The following CELF2 variants were observed in gnomAD, a reference collection of about 807,000 sequenced individuals.
CELF2 encodes the protein CUG triplet repeat RNA-binding protein 2.
A neutral mutation model predicts 62.6 loss-of-function variants in CELF2; 8 were observed. That is an observed-to-expected ratio of 0.13 (90% CI 0.07 to 0.23). CELF2 has a LOEUF of 0.23. Among genes scored for constraint, CELF2 ranks in the 10% least tolerant of loss-of-function variants. The pLI is 1.00. For synonymous variants in CELF2, 258 were observed against 250.0 expected (o/e 1.03, Z -0.30); for missense variants, 333 against 671.0 (o/e 0.50, Z 5.56).
chr10:11,145,605 C>T lies in CELF2; in HGVS notation c.75-19881C>T, dbSNP rs1432438900. On this transcript the variant is annotated intron_variant, in intron 1 of 12. Transcript: ENST00000633077. The surrounding 1 kb of genome is among the most constrained non-coding windows in gnomAD (Gnocchi z 4.3). ...GACGCTGAAGGCAGGAAGTGGAGAG[C>T]GGAAGTGAGCTGTGGGTGACTGCAG... 6.6e-6 allele frequency among the ~76,000 whole-genome samples: 1 copy of T among 152,134 alleles called. No individual in the cohort carries two copies. Among genetic ancestry groups the T allele is most frequent in the Non-Finnish European group, 1.5e-5 (1 of 68,028 alleles).
intron 1 of CELF2, among the ~76,000 whole-genome samples, chr10:11,101,225 C>A (rs1595272342): frequency 6.6e-6 from 1 of 152,130 alleles, no homozygotes; most frequent in South Asian, 2.1e-4. Flanking sequence ...AGGGAATGAT[C>A]AGCAACTTGA....
chr10:11,285,860 TGTGTGTG>T lies in CELF2; in HGVS notation c.842-2557_842-2551del, dbSNP rs2091107608. ...GTGTGTGTGTGTGTGTGTGTGTGTG[TGTGTGTG>T]TGTGTGTGTGTTTTTACATGGACTT... is the stretch of plus-strand genomic sequence containing the variant. On this transcript the variant is annotated intron_variant, in intron 8 of 12. Coordinates refer to ENST00000633077, the MANE Select transcript of CELF2 (RefSeq NM_001326342.2). The surrounding 1 kb of genome is among the most constrained non-coding windows in gnomAD (Gnocchi z 4.3). Among the ~76,000 whole-genome samples the T allele has an allele frequency of 7.0e-6, 1 of 143,426 alleles. No homozygotes were observed. Among genetic ancestry groups the T allele is most frequent in the Non-Finnish European group, 1.5e-5 (1 of 67,522 alleles). 94.1% of individuals were successfully genotyped at this position (143,426 alleles called of 152,430 possible). A position where few individuals can be genotyped will look rare whatever the true frequency, so the allele number is the denominator to read the frequency against.
chr10:10,562,688 A>T, the CELF2 span, among the ~76,000 whole-genome samples: 2 of 146,444 alleles, frequency 1.4e-5, no homozygotes, highest in Non-Finnish European at 2.9e-5. Context: ...GACCCCTCAC[A>T]GTTTCTACTG....
At chr10:11,005,029 T>C, upstream of CELF2, 1 of 985,222 alleles carries the variant, frequency 1.0e-6, no homozygotes. This position sits in a 1 kb window ranked among gnomAD's most constrained non-coding sequence, Gnocchi z 4.3. Flanking sequence ...TTGTTTTTTT[T>C]GTTCCCCCAA....
chr10:10,800,053 A>G (rs1157313948), intron 1 of CELF2, among the ~76,000 whole-genome samples: 1 of 115,104 alleles, frequency 8.7e-6, no homozygotes, highest in Non-Finnish European at 1.8e-5. Flanking sequence ...TTAATTTGCT[A>G]AGTTTTTATT....
intron 1 of CELF2, among the ~76,000 whole-genome samples, chr10:11,081,826 G>A (rs2074113612): frequency 6.6e-6 from 1 of 152,170 alleles, no homozygotes; most frequent in South Asian, 2.1e-4. Flanking sequence ...AGAAAGAAAG[G>A]CTTTCAGGAC....
chr10:10,579,324 T>A, the CELF2 span, among the ~76,000 whole-genome samples: 1 of 152,160 alleles, frequency 6.6e-6, no homozygotes, highest in Admixed American at 6.6e-5. Flanking sequence ...TGTATGAGCA[T>A]CTTACTGTCT....
chr10:10,554,875 G>C, the CELF2 span, among the ~76,000 whole-genome samples: 1 of 152,126 alleles, frequency 6.6e-6, no homozygotes, highest in African/African-American at 2.4e-5. Context: ...GACATATAAG[G>C]TGTAAGATGC....
Position 11,268,914 on chromosome 10 carries a change from C to T in CELF2, c.619-1752C>T, listed in dbSNP as rs2082924452. The stretch of plus-strand genomic sequence containing the variant: ...ATTTTATATCGTGCCTTCTGTTTCT[C>T]CACTTGCCTTCACTCTATCCCTGCC... On this transcript the variant is annotated intron_variant, in intron 6 of 12. Coordinates refer to ENST00000633077, the MANE Select transcript of CELF2 (RefSeq NM_001326342.2). This position sits in a 1 kb window ranked among gnomAD's most constrained non-coding sequence, Gnocchi z 4.7. 6.6e-6 allele frequency among the ~76,000 whole-genome samples: 1 copy of T among 152,122 alleles called. No homozygotes were observed. The highest frequency in any genetic ancestry group is 1.5e-5 in the Non-Finnish European group (1 of 68,020).
At chr10:10,834,177 G>C (rs1160433192) in intron 1 of CELF2, among the ~76,000 whole-genome samples, 1 of 152,220 alleles carries the variant, frequency 6.6e-6, no homozygotes, top group Non-Finnish European at 1.5e-5. Flanking sequence ...GGTGGAGCTA[G>C]AAGCCATCAT....
chr10:11,282,786 T>C (rs571003840), intron 8 of CELF2, among the ~76,000 whole-genome samples: 2 of 152,338 alleles, frequency 1.3e-5, no homozygotes, highest in Admixed American at 1.3e-4. Context: ...GCCCGGGTCA[T>C]GTGAGAGCAG....
upstream of CELF2, among the ~76,000 whole-genome samples, chr10:11,013,314 T>TGGAGAAA (rs2056764389): frequency 6.6e-6 from 1 of 151,882 alleles, no homozygotes; most frequent in South Asian, 2.1e-4. The surrounding 1 kb of genome is among the most constrained non-coding windows in gnomAD (Gnocchi z 4.1). Context: ...CTTGGTACAA[T>TGGAGAAA]GGAGAAAGGA....
At chr10:11,087,165 C>G (rs1407481240) in intron 1 of CELF2, among the ~76,000 whole-genome samples, 1 of 152,138 alleles carries the variant, frequency 6.6e-6, no homozygotes, top group Non-Finnish European at 1.5e-5. Flanking sequence ...AGAATGTTTG[C>G]TGAGTTTGAA....
chr10:10,815,962 A>G (rs1407229364), intron 1 of CELF2, among the ~76,000 whole-genome samples: 1 of 86,780 alleles, frequency 1.2e-5, no homozygotes, highest in East Asian at 3.8e-4. Context: ...ATCGTTTCTT[A>G]TTTTTTGGCA....
At position 11,054,604 on chromosome 10, in the gene CELF2, C is replaced by T. The variant is rs569367856; in HGVS notation, c.74+36441C>T. Among the ~76,000 whole-genome samples the T allele has an allele frequency of 2.4e-4, 37 of 152,172 alleles. 1 individual carries two copies. The highest frequency in any genetic ancestry group is 7.9e-4 in the African/African-American group (33 of 41,514). Reference sequence around the variant, plus strand: ...TCTCATTTCATAGTGGCCTACAGGACACTCTGGTGGACGTGTAGTCTGTGG... The same window carrying T: ...TCTCATTTCATAGTGGCCTACAGGATACTCTGGTGGACGTGTAGTCTGTGG... On this transcript the variant is annotated intron_variant, in intron 1 of 12. Coordinates refer to ENST00000633077, the MANE Select transcript of CELF2 (RefSeq NM_001326342.2).
At chr10:10,504,146 T>C in the CELF2 span, among the ~76,000 whole-genome samples, 111 of 152,242 alleles carry the variant, frequency 7.3e-4, no homozygotes, top group Admixed American at 7.2e-3. Context: ...CCAGTTGTAT[T>C]AACTACATTA....
the CELF2 span, among the ~76,000 whole-genome samples, chr10:10,569,222 C>T: frequency 7.2e-5 from 11 of 152,038 alleles, no homozygotes; most frequent in East Asian, 1.9e-4. Flanking sequence ...AAGAAAAAGA[C>T]GTTTAATGGA....
chr10:10,668,380 A>C, the CELF2 span, among the ~76,000 whole-genome samples: 1 of 152,198 alleles, frequency 6.6e-6, no homozygotes, highest in East Asian at 1.9e-4. Flanking sequence ...AGAATGCCCT[A>C]CCTTGTGGAT....
At chr10:10,810,266 A>AT (rs999812026) in intron 1 of CELF2, among the ~76,000 whole-genome samples, 9 of 152,174 alleles carry the variant, frequency 5.9e-5, no homozygotes, top group African/African-American at 2.2e-4. Context: ...TCTTTACTCC[A>AT]TTTTTTTAAT....
Sources: allele counts gnomAD v4.1 joint callset (sites outside exome capture counted in the v4.1 genomes callset), GRCh38; gene constraint gnomAD v4.1.1; non-coding constraint Gnocchi (gnomAD v3.1); transcripts MANE v1.5; gene names NCBI Gene and HGNC (gene_info 2026-07-23, HGNC 2026-07-21).